The following TYRP1 variants were observed in gnomAD, a reference collection of about 807,000 sequenced individuals.
The protein encoded by TYRP1 is tyrosinase related protein 1.
TYRP1 carries 49 observed loss-of-function variants against 42.8 expected under a neutral mutation model. The observed-to-expected ratio is 1.14, with a 90% CI of 0.91 to 1.45. The LOEUF (loss-of-function observed/expected upper bound fraction) is 1.45, where lower values mean the gene tolerates loss of function less well. TYRP1 is among the 40% of genes most tolerant of loss of function. The probability of loss-of-function intolerance (pLI) is 0.00; values close to 1 mark genes in which losing one functional copy is unlikely to be tolerated. For synonymous variants in TYRP1, 279 were observed against 235.4 expected (o/e 1.19, Z -1.69); for missense variants, 848 against 662.0 (o/e 1.28, Z -3.08).
intron 4 of TYRP1, among the ~76,000 whole-genome samples, chr9:12,698,900 A>G (rs1818121791): frequency 6.6e-6 from 1 of 152,124 alleles, no homozygotes; most frequent in African/African-American, 2.4e-5. Context: ...TTTGGTCAAT[A>G]TCTTGCTAAC....
In TYRP1 at chr9:12,695,675, T is replaced by C; in HGVS notation, c.546T>C (p.Ile182=). 1 of 1,614,150 alleles carries C rather than the reference T, an allele frequency of 6.2e-7. No homozygotes were observed. The highest frequency in any genetic ancestry group is 8.5e-7 in the Non-Finnish European group (1 of 1,180,024). ...PDGNTPQFEN[I]SIYNYFVWTH... Reference sequence around the variant, plus strand: ...GCAACACGCCACAATTTGAGAACATTTCCATTTATAACTACTTTGTTTGGA... The same window carrying C: ...GCAACACGCCACAATTTGAGAACATCTCCATTTATAACTACTTTGTTTGGA... Residue 182 remains isoleucine (I), a synonymous_variant, in exon 3 of 8, where the codon ATT becomes ATC. Transcript: ENST00000388918.
At position 12,704,617 on chromosome 9, in the gene TYRP1, C is replaced by T. The variant is rs772791094; in HGVS notation, c.1173C>T (p.Thr391=). 3 of 1,612,800 alleles carry T rather than the reference C, an allele frequency of 1.9e-6. No individual in the cohort carries two copies. The South Asian group carries it at 3.3e-5, about 18-fold the overall frequency. The change falls in exon 6 of 8, where the codon ACC becomes ACT. Residue 391 remains threonine (T), a synonymous_variant. Transcript: ENST00000388918. The part of the protein sequence containing the change: ...HLFLNGTGGQ[T]HLSPNDPIFV... ...TCCTGAATGGAACAGGGGGACAAAC[C>T]CATTTGTCTCCAAATGATCCTATTT...
At chr9:12,701,636 C>G (rs566935153) in intron 4 of TYRP1, 1 of 152,308 alleles carries the variant, frequency 6.6e-6, no homozygotes, top group South Asian at 2.1e-4. Flanking sequence ...CTCTCTCTCT[C>G]TTTCCCTGCT....
At chr9:12,706,542 T>C (rs1029302583) in intron 6 of TYRP1, among the ~76,000 whole-genome samples, 1 of 152,094 alleles carries the variant, frequency 6.6e-6, no homozygotes, top group East Asian at 1.9e-4. Flanking sequence ...ACTTGAATTG[T>C]AGTGGGAAGA....
intron 6 of TYRP1, 54 bp downstream of exon 6, chr9:12,704,759 G>A: frequency 1.3e-6 from 2 of 1,554,138 alleles, no homozygotes; most frequent in East Asian, 4.5e-5. Context: ...TTGTTTAGAT[G>A]GCATAGTTAT....
chr9:12,703,420 T>TA (rs201447946), intron 5 of TYRP1, among the ~76,000 whole-genome samples: 6,553 of 151,754 alleles, frequency 0.043, 187 homozygotes, highest in Non-Finnish European at 0.062. Context: ...TATGATTCAA[T>TA]AAAAAAAATC....
chr9:12,699,044 G>T (rs2118235618), intron 4 of TYRP1, among the ~76,000 whole-genome samples: 1 of 152,138 alleles, frequency 6.6e-6, no homozygotes, highest in Admixed American at 6.6e-5. Context: ...TAGGCAAAAA[G>T]TTGGAAATGC....
chr9:12,704,806 T>C (rs1586845874), intron 6 of TYRP1, 101 bp downstream of exon 6: 2 of 1,170,654 alleles, frequency 1.7e-6, no homozygotes, highest in Non-Finnish European at 1.3e-6. Context: ...AAAAACACTT[T>C]CAAAATAAGG....
Position 12,709,125 on chromosome 9 carries a change from T to C in TYRP1, c.1557T>C (p.Tyr519=). 1 of 1,612,740 alleles carries C rather than the reference T, an allele frequency of 6.2e-7. No homozygotes were observed. The highest frequency in any genetic ancestry group is 8.5e-7 in the Non-Finnish European group (1 of 1,179,144). ...EANQPLLTDQ[Y]QCYAEEYEKL... ...ACCAGCCTCTCCTCACTGATCAGTA[T>C]CAATGCTATGCTGAAGAATATGAAA... The change falls in exon 8 of 8, where the codon TAT becomes TAC. Residue 519 remains tyrosine, a synonymous_variant. Coordinates refer to ENST00000388918, the MANE Select transcript of TYRP1 (RefSeq NM_000550.3).
At chr9:12,702,735 A>G (rs1313988998) in intron 5 of TYRP1, among the ~76,000 whole-genome samples, 4 of 152,024 alleles carry the variant, frequency 2.6e-5, no homozygotes, top group Admixed American at 6.6e-5. Flanking sequence ...ATATGTAACT[A>G]TATCAAGGTC....
At chr9:12,697,722 A>G (rs1051708472) in intron 3 of TYRP1, among the ~76,000 whole-genome samples, 1 of 152,164 alleles carries the variant, frequency 6.6e-6, no homozygotes, top group African/African-American at 2.4e-5. Context: ...TCTTGAGGCC[A>G]GCATTTTTAA....
chr9:12,708,995 C>A lies in TYRP1; in HGVS notation c.1427C>A (p.Pro476His), dbSNP rs1422434143. 6.2e-7 allele frequency: 1 copy of A among 1,612,344 alleles called. No homozygotes were observed. The change falls in exon 8 of 8, where the codon CCT (proline) becomes CAT (histidine). Residue 476 changes from proline (P) to histidine (H), a missense_variant. Coordinates refer to ENST00000388918, the MANE Select transcript of TYRP1 (RefSeq NM_000550.3). ...CAAATAGGTCGGGAGTTTAGTGTAC[C>A]TGAGATAATTGCCATAGCAGTAGTT... The part of the protein sequence containing the change: ...IQWPSREFSV[P>H]EIIAIAVVGA...
At chr9:12,701,815 TG>T (rs1488289250) in intron 4 of TYRP1, 1 of 127,724 alleles carries the variant, frequency 7.8e-6, no homozygotes, top group Non-Finnish European at 1.9e-5. Flanking sequence ...TCCAAAGAAA[TG>T]TAAGGGTTTT....
chr9:12,708,875 G>A, intron 7 of TYRP1, 102 bp from the exon 8 acceptor site: 1 of 1,124,096 alleles, frequency 8.9e-7, no homozygotes. Flanking sequence ...TTAAATATGA[G>A]GATTTCTGTT....
rs1196116067 is a variant in TYRP1, at chr9:12,694,200, G to A, written c.204G>A (p.Val68=). 1 of 1,613,812 alleles carries A rather than the reference G, an allele frequency of 6.2e-7. No individual in the cohort carries two copies. Among genetic ancestry groups the A allele is most frequent in the African/African-American group, 1.3e-5 (1 of 74,912 alleles). The change falls in exon 2 of 8, where the codon GTG becomes GTA. Residue 68 remains valine, a synonymous_variant. Transcript: ENST00000388918. ...SSSGRGRCEA[V]TADSRPHSPQ... is the part of the protein sequence containing the mutation. ...CAGGGAGGGGCAGATGTGAGGCAGT[G>A]ACTGCAGACTCCCGGCCCCACAGCC...
chr9:12,708,589 A>T lies in TYRP1; in HGVS notation c.1409-388A>T, dbSNP rs527327342. On this transcript the variant is annotated intron_variant, in intron 7 of 7. Coordinates refer to ENST00000388918, the MANE Select transcript of TYRP1 (RefSeq NM_000550.3). ...AGATACTCTTAGGTATTTTTCTGAG[A>T]TTTTGAAGTTCAAAAGTTTTTTGTT... 2.0e-5 allele frequency among the ~76,000 whole-genome samples: 3 copies of T among 152,076 alleles called. No homozygotes were observed. In the East Asian group the frequency reaches 5.8e-4, roughly 30 times the overall value.
rs753596196 is a variant in TYRP1, at chr9:12,709,050, T to G, written c.1482T>G (p.Phe494Leu). 3 of 1,612,874 alleles carry G rather than the reference T, an allele frequency of 1.9e-6. No individual in the cohort carries two copies. Among genetic ancestry groups the G allele is most frequent in the Admixed American group, 1.7e-5 (1 of 59,816 alleles). The change falls in exon 8 of 8, where the codon TTT becomes TTG. Residue 494 changes from phenylalanine (F) to leucine (L), a missense_variant. Coordinates refer to ENST00000388918, the MANE Select transcript of TYRP1 (RefSeq NM_000550.3). ...VGALLLVALI[F>L]GTASYLIRAR... ...CTTTGTTACTGGTTGCACTCATTTT[T>G]GGGACTGCTTCTTATCTGATTCGTG...
rs995570216 is a variant in TYRP1, at chr9:12,709,726, C to G, written c.*544C>G. 6.2e-5 allele frequency: 10 copies of G among 161,362 alleles called. No individual in the cohort carries two copies. The highest frequency in any genetic ancestry group is 5.9e-4 in the Admixed American group (10 of 17,000). 10.0% of individuals were successfully genotyped at this position (161,362 alleles called of 1,614,324 possible). A position where few individuals can be genotyped will look rare whatever the true frequency, so the allele number is the denominator to read the frequency against. Reference sequence around the variant, plus strand: ...TTAATGTTCCAGTTTGAAGACCAATCAAATATATTATTTAGTCAACATATA... The same window carrying G: ...TTAATGTTCCAGTTTGAAGACCAATGAAATATATTATTTAGTCAACATATA... On this transcript the variant is annotated 3_prime_UTR_variant, in exon 8 of 8. Coordinates refer to ENST00000388918, the MANE Select transcript of TYRP1 (RefSeq NM_000550.3).
intron 6 of TYRP1, among the ~76,000 whole-genome samples, chr9:12,705,851 C>G (rs1367088924): frequency 1.3e-5 from 2 of 151,918 alleles, no homozygotes; most frequent in African/African-American, 4.8e-5. Flanking sequence ...AGTTTTCAAT[C>G]AGTTATGAAT....
Sources: allele counts gnomAD v4.1 joint callset (sites outside exome capture counted in the v4.1 genomes callset), GRCh38; gene constraint gnomAD v4.1.1; transcripts MANE v1.5; gene names NCBI Gene and HGNC (gene_info 2026-07-23, HGNC 2026-07-21).